The following TTLL5 variants were observed in gnomAD, a reference collection of about 807,000 sequenced individuals.
TTLL5 encodes tubulin tyrosine ligase like 5.
Under a neutral mutation model 168.4 loss-of-function variants are expected in TTLL5, and 132 were observed. The observed-to-expected ratio is 0.78, with a 90% CI of 0.68 to 0.91. The LOEUF (loss-of-function observed/expected upper bound fraction) is 0.91, where lower values mean the gene tolerates loss of function less well. Among genes scored for constraint, TTLL5 ranks in the 40% least tolerant of loss-of-function variants. The pLI is 0.00. For synonymous variants in TTLL5, 546 were observed against 558.6 expected (o/e 0.98, Z 0.32); for missense variants, 1,545 against 1,581.5 (o/e 0.98, Z 0.39).
intron 6 of TTLL5, among the ~76,000 whole-genome samples, chr14:75,691,759 T>G (rs191537859): frequency 2.6e-4 from 40 of 152,360 alleles, no homozygotes; most frequent in South Asian, 1.2e-3. Flanking sequence ...TTCTGTTTTA[T>G]GGATAGACGA....
Position 75,882,669 on chromosome 14 carries a change from C to T in TTLL5, c.3523-16C>T, listed in dbSNP as rs1311573266. The T allele has an allele frequency of 3.1e-6, 5 of 1,595,020 alleles. No homozygotes were observed. Among genetic ancestry groups the T allele is most frequent in the Admixed American group, 3.4e-5 (2 of 58,090 alleles). ...GGTGATGTCCATCGATCATTTTTTTCCTTTTTTTTTTGTAGGCAATCTTTG... is the reference window on the plus strand; with the variant it reads ...GGTGATGTCCATCGATCATTTTTTTTCTTTTTTTTTTGTAGGCAATCTTTG... On this transcript the variant is annotated splice_polypyrimidine_tract_variant and intron_variant, in intron 29 of 31. Transcript: ENST00000298832.
At chr14:75,867,240 G>A (rs1197645242) in intron 29 of TTLL5, among the ~76,000 whole-genome samples, 2 of 152,086 alleles carry the variant, frequency 1.3e-5, no homozygotes, top group African/African-American at 4.8e-5. Flanking sequence ...GGCTGGATTT[G>A]GCCTATAGGT....
intron 27 of TTLL5, among the ~76,000 whole-genome samples, chr14:75,808,095 C>T (rs1178631216): frequency 6.6e-6 from 1 of 152,174 alleles, no homozygotes; most frequent in African/African-American, 2.4e-5. Flanking sequence ...TGTCAACACA[C>T]AAAATCTACA....
intron 28 of TTLL5, among the ~76,000 whole-genome samples, chr14:75,835,845 A>G (rs1187638626): frequency 6.6e-6 from 1 of 152,220 alleles, no homozygotes; most frequent in Non-Finnish European, 1.5e-5. Flanking sequence ...CTTCAGTGAG[A>G]TACCATCTCA....
At chr14:75,792,322 T>A (rs953633750) in intron 26 of TTLL5, among the ~76,000 whole-genome samples, 52 of 151,504 alleles carry the variant, frequency 3.4e-4, no homozygotes, top group African/African-American at 1.3e-3. Context: ...TGTATACATA[T>A]GTAACAAACC....
chr14:75,786,442 A>G (rs1892369930), intron 26 of TTLL5, among the ~76,000 whole-genome samples: 1 of 152,156 alleles, frequency 6.6e-6, no homozygotes, highest in Non-Finnish European at 1.5e-5. Flanking sequence ...ATTTATAAAT[A>G]TATTGTTTAA....
At chr14:75,952,332 AAC>A (rs1213757135) in intron 31 of TTLL5, among the ~76,000 whole-genome samples, 2 of 152,098 alleles carry the variant, frequency 1.3e-5, no homozygotes, top group African/African-American at 2.4e-5. Flanking sequence ...AAAAAGGAAA[AAC>A]ACAGCAGTGT....
At chr14:75,735,037 G>GGT (rs1442711686) in intron 14 of TTLL5, among the ~76,000 whole-genome samples, 158 bp from the exon 15 acceptor site, 2 of 152,172 alleles carry the variant, frequency 1.3e-5, no homozygotes, top group Admixed American at 6.5e-5. Flanking sequence ...GAGTTCAGAG[G>GGT]GTGTGTGTGG....
At chr14:75,821,432 A>G (rs749567532) in intron 28 of TTLL5, among the ~76,000 whole-genome samples, 1 of 152,232 alleles carries the variant, frequency 6.6e-6, no homozygotes, top group Non-Finnish European at 1.5e-5. Context: ...AAAAATTTCC[A>G]GATATTCCAT....
chr14:75,876,237 G>A (rs2031471479), intron 29 of TTLL5, among the ~76,000 whole-genome samples: 1 of 152,200 alleles, frequency 6.6e-6, no homozygotes, highest in African/African-American at 2.4e-5. Flanking sequence ...CACTGTGCTG[G>A]TCAGGTCACA....
At chr14:75,816,982 T>TA (rs1429324910) in intron 27 of TTLL5, among the ~76,000 whole-genome samples, 2 of 143,180 alleles carry the variant, frequency 1.4e-5, no homozygotes, top group Non-Finnish European at 3.1e-5. Context: ...TTATTTTTTT[T>TA]TTTTTTTTTT....
chr14:75,913,077 C>A (rs2033455235), intron 31 of TTLL5, among the ~76,000 whole-genome samples: 1 of 152,166 alleles, frequency 6.6e-6, no homozygotes, highest in South Asian at 2.1e-4. Flanking sequence ...GGCAAGGATC[C>A]AGATACCTGG....
At chr14:75,853,809 C>T (rs1187700697) in intron 28 of TTLL5, among the ~76,000 whole-genome samples, 2 of 152,068 alleles carry the variant, frequency 1.3e-5, no homozygotes, top group South Asian at 2.1e-4. Context: ...TTTGGGAGGC[C>T]GAGGCGGGCA....
At chr14:75,748,363 A>G (rs1000420115) in intron 17 of TTLL5, among the ~76,000 whole-genome samples, 1 of 149,442 alleles carries the variant, frequency 6.7e-6, no homozygotes, top group African/African-American at 2.4e-5. Context: ...CATGTTACAT[A>G]TAGTTACAGT....
At chr14:75,791,027 A>G (rs1454832421) in intron 26 of TTLL5, among the ~76,000 whole-genome samples, 1 of 140,750 alleles carries the variant, frequency 7.1e-6, no homozygotes, top group East Asian at 2.1e-4. Flanking sequence ...ATTGGCGTGA[A>G]CCTGGGAGGC....
intron 26 of TTLL5, among the ~76,000 whole-genome samples, chr14:75,787,942 T>A (rs958446915): frequency 6.6e-6 from 1 of 152,174 alleles, no homozygotes; most frequent in African/African-American, 2.4e-5. Flanking sequence ...ATGAAAAAGC[T>A]GTATGTCCAA....
intron 31 of TTLL5, among the ~76,000 whole-genome samples, chr14:75,910,917 T>C (rs766839924): frequency 3.0e-4 from 45 of 152,274 alleles, no homozygotes; most frequent in Non-Finnish European, 5.0e-4. Flanking sequence ...CTTTTGAACA[T>C]GCAGGTATTT....
intron 31 of TTLL5, among the ~76,000 whole-genome samples, chr14:75,925,197 A>C (rs1373618659): frequency 1.2e-4 from 12 of 99,036 alleles, no homozygotes; most frequent in Middle Eastern, 8.5e-3. Flanking sequence ...TGACCCCCCC[A>C]CCTCCCTCCC....
intron 27 of TTLL5, among the ~76,000 whole-genome samples, chr14:75,804,969 T>C (rs1254749361): frequency 2.6e-5 from 4 of 152,230 alleles, no homozygotes; most frequent in Admixed American, 6.5e-5. Flanking sequence ...AGCCTTTGTT[T>C]TACTCTGCCA....
Sources: gnomAD v4.1 joint callset for allele counts (sites outside exome capture counted in the v4.1 genomes callset) on GRCh38, gnomAD v4.1.1 for gene constraint, MANE v1.5 for transcripts, NCBI Gene and HGNC (gene_info 2026-07-23, HGNC 2026-07-21) for gene names.